The following ATP2C2 variants were observed in gnomAD, a reference collection of about 807,000 sequenced individuals.
ATP2C2 encodes calcium-transporting ATPase type 2C member 2.
In ATP2C2, 171 loss-of-function variants were observed where a neutral mutation model predicts 110.8. That is an observed-to-expected ratio of 1.54 (90% CI 1.36 to 1.75). The LOEUF is 1.75. Among genes scored for constraint, ATP2C2 ranks in the 40% most tolerant of loss-of-function variants. The pLI, the probability that ATP2C2 is intolerant of heterozygous loss-of-function variation, is 0.00. For missense variants in ATP2C2, 1,963 were observed against 1,235.0 expected (o/e 1.59, Z -8.84); for synonymous variants, 804 against 508.4 (o/e 1.58, Z -7.82).
intron 1 of ATP2C2, among the ~76,000 whole-genome samples, chr16:84,392,507 G>A (rs1024465933): frequency 6.6e-6 from 1 of 152,134 alleles, no homozygotes; most frequent in Non-Finnish European, 1.5e-5. Flanking sequence ...TTGTTGCCCA[G>A]GCTGGAGTGC....
At chr16:84,453,606 G>A (rs917211942) in intron 20 of ATP2C2, among the ~76,000 whole-genome samples, 1 of 152,184 alleles carries the variant, frequency 6.6e-6, no homozygotes, top group Non-Finnish European at 1.5e-5. Context: ...GAAGTTGCCA[G>A]CAACACTTGC....
intron 9 of ATP2C2, among the ~76,000 whole-genome samples, 199 bp from the exon 10 acceptor site, chr16:84,422,989 G>T (rs1432973941): frequency 6.6e-6 from 1 of 152,138 alleles, no homozygotes; most frequent in African/African-American, 2.4e-5. Context: ...TAAGACATTT[G>T]TTAGCATTTT....
chr16:84,459,146 T>C lies in ATP2C2; in HGVS notation c.2174T>C (p.Ile725Thr). The C allele has an allele frequency of 1.9e-6, 3 of 1,614,136 alleles. No individual in the cohort carries two copies. Among genetic ancestry groups the C allele is most frequent in the Non-Finnish European group, 2.5e-6 (3 of 1,180,018 alleles). The change falls in exon 22 of 27, where the codon ATT becomes ACT. Residue 725 changes from isoleucine (I) to threonine (T), a missense_variant. Physicochemically the swap from Ile to Thr is moderately conservative, Grantham distance 89. Coordinates refer to ENST00000262429, the MANE Select transcript of ATP2C2 (RefSeq NM_014861.4). ...AATGCAGTGGAGGAAGGCAAGGGTA[T>C]TTTTTACAACATCAAAAACTTTGTC... The part of the protein sequence containing the change: ...IMNAVEEGKG[I>T]FYNIKNFVRF...
intron 1 of ATP2C2, among the ~76,000 whole-genome samples, chr16:84,371,415 G>C (rs1047951569): frequency 1.3e-5 from 2 of 152,238 alleles, no homozygotes; most frequent in East Asian, 3.9e-4. Context: ...TGAAGCAGGA[G>C]GATTGCTTGC....
intron 10 of ATP2C2, 148 bp from the exon 11 acceptor site, chr16:84,425,587 A>G (rs1434891706): frequency 3.4e-6 from 3 of 880,494 alleles, no homozygotes; most frequent in African/African-American, 1.7e-5. Flanking sequence ...TAGAAAAGAG[A>G]AGAGACGGGT....
intron 11 of ATP2C2, among the ~76,000 whole-genome samples, chr16:84,431,060 A>G (rs1908235264): frequency 6.6e-6 from 1 of 152,190 alleles, no homozygotes; most frequent in Non-Finnish European, 1.5e-5. Flanking sequence ...GTGCTGATCC[A>G]GCTGGATCAG....
chr16:84,446,764 T>C (rs1909788916), intron 16 of ATP2C2, among the ~76,000 whole-genome samples: 4 of 152,236 alleles, frequency 2.6e-5, no homozygotes, highest in Admixed American at 2.6e-4. Context: ...CTTCATTTTC[T>C]GCAGATTCTG....
rs370827511 is a variant in ATP2C2 at position 84,448,708 on chromosome 16, G to C, written c.1660+19G>C. The C allele has an allele frequency of 6.3e-7, 1 of 1,599,130 alleles. No homozygotes were observed. Among genetic ancestry groups the C allele is most frequent in the East Asian group, 2.3e-5 (1 of 44,418 alleles). ...TTGCGGGGTCAGTGCCTGTGGTCCCGGCCCAGAGCTTTAAGCTTGCATGTA... is the reference window on the plus strand; with the variant it reads ...TTGCGGGGTCAGTGCCTGTGGTCCCCGCCCAGAGCTTTAAGCTTGCATGTA... On this transcript the variant is annotated intron_variant, in intron 17 of 26. Transcript: ENST00000262429.
intron 23 of ATP2C2, chr16:84,459,675 T>G (rs1911078308): frequency 2.4e-6 from 3 of 1,247,386 alleles, no homozygotes; most frequent in Non-Finnish European, 3.3e-6. Context: ...TTCATTCCAG[T>G]CACCAGTCAC....
chr16:84,389,321 T>A (rs995774593), intron 1 of ATP2C2, among the ~76,000 whole-genome samples: 20 of 152,214 alleles, frequency 1.3e-4, no homozygotes, highest in Admixed American at 6.5e-5. Context: ...TTCCCCGCGA[T>A]CTGCACTGGG....
intron 15 of ATP2C2, among the ~76,000 whole-genome samples, chr16:84,444,991 G>T (rs1288994055): frequency 6.6e-6 from 1 of 152,140 alleles, no homozygotes; most frequent in African/African-American, 2.4e-5. Context: ...CCACTGGCTG[G>T]TGATTTAGTG....
intron 11 of ATP2C2, among the ~76,000 whole-genome samples, chr16:84,427,719 A>G (rs922376995): frequency 3.3e-5 from 5 of 152,170 alleles, no homozygotes; most frequent in African/African-American, 1.2e-4. Context: ...ACTGTCTGAA[A>G]AAAGAAACAA....
chr16:84,380,625 G>T (rs1042663979), intron 1 of ATP2C2, among the ~76,000 whole-genome samples: 1 of 152,154 alleles, frequency 6.6e-6, no homozygotes, highest in Non-Finnish European at 1.5e-5. Context: ...CAGGATTGTG[G>T]TTAAGAGCAC....
At chr16:84,390,523 G>T (rs1480622768) in intron 1 of ATP2C2, among the ~76,000 whole-genome samples, 2 of 152,196 alleles carry the variant, frequency 1.3e-5, no homozygotes, top group Non-Finnish European at 2.9e-5. Context: ...ATAACATCTT[G>T]GGGGTTCCAA....
chr16:84,442,661 G>C, intron 15 of ATP2C2, 62 bp downstream of exon 15: 1 of 1,493,918 alleles, frequency 6.7e-7, no homozygotes, highest in Non-Finnish European at 9.3e-7. Flanking sequence ...TTCATTGGTA[G>C]AAAGCCAGCT....
chr16:84,454,972 T>TC lies in ATP2C2; in HGVS notation c.2136dup (p.Ser713LeufsTer73). 6.2e-7 allele frequency: 1 copy of TC among 1,613,040 alleles called. No individual in the cohort carries two copies. The highest frequency in any genetic ancestry group is 8.5e-7 in the Non-Finnish European group (1 of 1,179,534). ...AACATGATCCTGGTGGATGATGACT[T>TC]CTCAGCCATCATGTAAGCTGCCCTT... On this transcript the variant is annotated frameshift_variant, in exon 21 of 27. Transcript: ENST00000262429. LOFTEE classifies it high-confidence loss of function.
intron 24 of ATP2C2, 141 bp from the exon 25 acceptor site, chr16:84,461,573 G>A: frequency 1.3e-6 from 1 of 763,304 alleles, no homozygotes; most frequent in South Asian, 1.5e-5. Context: ...CACACCTGGA[G>A]GAAGCTGTGT....
At position 84,439,517 on chromosome 16, in the gene ATP2C2, G is replaced by A. The variant is rs186501679; in HGVS notation, c.1202G>A (p.Arg401His). Residue 401 changes from arginine to histidine, a missense_variant, in exon 13 of 27, where the codon CGT becomes CAT. Coordinates refer to ENST00000262429, the MANE Select transcript of ATP2C2 (RefSeq NM_014861.4). ...VTQLVTSDGL[R>H]AEVSGVGYDG... ...CAGCTTGTAACGTCAGATGGGCTTC[G>A]TGCCGAGGTGAGTGCCAAAGGAATT... is the stretch of plus-strand genomic sequence containing the variant. 654 of 1,614,086 alleles carry A rather than the reference G, an allele frequency of 4.1e-4. 1 individual carries two copies. The African/African-American group carries it at 5.5e-3, about 14-fold the overall frequency.
At chr16:84,428,242 T>G (rs1597817154) in intron 11 of ATP2C2, among the ~76,000 whole-genome samples, 1 of 152,208 alleles carries the variant, frequency 6.6e-6, no homozygotes, top group African/African-American at 2.4e-5. Flanking sequence ...TAGTATCAGG[T>G]GTACATGGCT....
Sources: gnomAD v4.1 joint callset for allele counts (sites outside exome capture counted in the v4.1 genomes callset) on GRCh38, gnomAD v4.1.1 for gene constraint, MANE v1.5 for transcripts, NCBI Gene and HGNC (gene_info 2026-07-23, HGNC 2026-07-21) for gene names.